Variants in TRAPPC9 observed in about 807,000 individuals in gnomAD.
TRAPPC9 encodes the protein IKK2 binding protein.
A neutral mutation model predicts 124.0 loss-of-function variants in TRAPPC9; 83 were observed. That is an observed-to-expected ratio of 0.67 (90% CI 0.56 to 0.80). The LOEUF (loss-of-function observed/expected upper bound fraction) is 0.80, where lower values mean the gene tolerates loss of function less well. Among genes scored for constraint, TRAPPC9 ranks in the 30% least tolerant of loss-of-function variants. TRAPPC9 has a pLI of 0.00. For missense variants in TRAPPC9, 1,302 were observed against 1,508.3 expected, an observed-to-expected ratio of 0.86 and a Z score of 2.27; for synonymous variants, 638 against 617.5, an observed-to-expected ratio of 1.03 and a Z score of -0.49.
intron 21 of TRAPPC9, among the ~76,000 whole-genome samples, chr8:139,821,257 G>C (rs970050909): frequency 1.3e-5 from 2 of 152,260 alleles, no homozygotes; most frequent in South Asian, 4.1e-4. Flanking sequence ...AAAAGCAAGT[G>C]AAAGCAGCAA....
At chr8:139,881,685 GA>G (rs201467555) in intron 21 of TRAPPC9, among the ~76,000 whole-genome samples, 4 of 101,844 alleles carry the variant, frequency 3.9e-5, no homozygotes, top group East Asian at 3.6e-4. Flanking sequence ...CTCTATGCCA[GA>G]AAAAAACAGC....
chr8:140,296,562 G>A (rs1010347907), intron 11 of TRAPPC9, among the ~76,000 whole-genome samples: 3 of 152,192 alleles, frequency 2.0e-5, no homozygotes, highest in African/African-American at 4.8e-5. Flanking sequence ...CACCACACTC[G>A]GCCAACAATT....
intron 21 of TRAPPC9, among the ~76,000 whole-genome samples, chr8:139,853,853 C>G (rs1357519846): frequency 6.6e-6 from 1 of 152,088 alleles, no homozygotes; most frequent in Non-Finnish European, 1.5e-5. Flanking sequence ...GCGAAGGGCT[C>G]TTATTTTAGT....
intron 19 of TRAPPC9, among the ~76,000 whole-genome samples, chr8:139,921,615 G>T (rs1248175457): frequency 6.6e-6 from 1 of 152,052 alleles, no homozygotes; most frequent in Non-Finnish European, 1.5e-5. Context: ...GCAGGTAGAG[G>T]GCTGTGGGTA....
At chr8:140,445,447 C>A (rs955094415) in intron 2 of TRAPPC9, among the ~76,000 whole-genome samples, 12 of 152,202 alleles carry the variant, frequency 7.9e-5, no homozygotes, top group Non-Finnish European at 1.6e-4. Context: ...TCAAGACTCT[C>A]CTGTGGTCTG....
intron 19 of TRAPPC9, among the ~76,000 whole-genome samples, chr8:139,979,855 G>A (rs569541455): frequency 1.1e-3 from 161 of 152,264 alleles, no homozygotes; most frequent in Non-Finnish European, 1.8e-3. Context: ...AAGAAGAGCC[G>A]TGGCCGATGG....
intron 21 of TRAPPC9, among the ~76,000 whole-genome samples, chr8:139,794,975 C>T (rs572280216): frequency 3.3e-5 from 5 of 152,282 alleles, no homozygotes; most frequent in South Asian, 2.1e-4. Flanking sequence ...GTGAGGAGAA[C>T]GCAGGGAATA....
chr8:140,224,736 T>A (rs1323998608), intron 16 of TRAPPC9, among the ~76,000 whole-genome samples: 1 of 152,162 alleles, frequency 6.6e-6, no homozygotes. Flanking sequence ...CAATCTGATA[T>A]CCTAATATGC....
At chr8:140,228,423 C>T (rs140870387) in intron 16 of TRAPPC9, among the ~76,000 whole-genome samples, 151 of 152,326 alleles carry the variant, frequency 9.9e-4, no homozygotes, top group Middle Eastern at 3.4e-3. Flanking sequence ...AATACTCATC[C>T]TTAATTTCCA....
At chr8:140,264,693 C>CTCA (rs2064559449) in intron 15 of TRAPPC9, among the ~76,000 whole-genome samples, 2 of 151,978 alleles carry the variant, frequency 1.3e-5, no homozygotes, top group Admixed American at 1.3e-4. Context: ...ACCTGACTTC[C>CTCA]TCAAGCGGGG....
At chr8:139,973,016 A>G (rs1032027545) in intron 19 of TRAPPC9, among the ~76,000 whole-genome samples, 2 of 152,090 alleles carry the variant, frequency 1.3e-5, no homozygotes, top group Non-Finnish European at 2.9e-5. Flanking sequence ...CAGCTACCCC[A>G]TGGACTAGGG....
At chr8:140,167,528 T>C (rs6578076) in intron 17 of TRAPPC9, among the ~76,000 whole-genome samples, 116,690 of 152,102 alleles carry the variant, frequency 0.77, 45,504 homozygotes, top group East Asian at 1. Flanking sequence ...ACTGAGGCCA[T>C]ACAGCTGGCA....
intron 16 of TRAPPC9, among the ~76,000 whole-genome samples, chr8:140,235,116 C>T (rs1449521176): frequency 1.3e-5 from 2 of 152,206 alleles, no homozygotes; most frequent in Admixed American, 6.5e-5. Context: ...GGATTACAAG[C>T]GCCTGCCACC....
intron 21 of TRAPPC9, among the ~76,000 whole-genome samples, chr8:139,764,809 G>A (rs1282455673): frequency 1.3e-5 from 2 of 152,122 alleles, no homozygotes; most frequent in Admixed American, 6.5e-5. Context: ...TCCCCACCAC[G>A]GTCCGGTGCA....
chr8:140,011,501 CTTTT>C (rs916485762), intron 18 of TRAPPC9, among the ~76,000 whole-genome samples: 101 of 114,630 alleles, frequency 8.8e-4, no homozygotes, highest in African/African-American at 4.2e-3. Flanking sequence ...AGAAGGCATA[CTTTT>C]TTTTTTTTTT....
At chr8:140,275,555 C>A (rs1588073422) in intron 15 of TRAPPC9, 103 bp downstream of exon 15, 2 of 1,339,072 alleles carry the variant, frequency 1.5e-6, no homozygotes, top group Non-Finnish European at 1.1e-6. Context: ...ACTGAATCCA[C>A]AAAGAAGTTT....
At chr8:140,300,740 G>A in intron 10 of TRAPPC9, 126 bp from the exon 11 acceptor site, 2 of 1,163,686 alleles carry the variant, frequency 1.7e-6, no homozygotes, top group East Asian at 2.4e-5. Flanking sequence ...ATGGAGGGAG[G>A]AAAAGCACTC....
At chr8:140,234,024 T>C (rs1051167011) in intron 16 of TRAPPC9, among the ~76,000 whole-genome samples, 5 of 152,184 alleles carry the variant, frequency 3.3e-5, no homozygotes, top group Admixed American at 2.0e-4. Context: ...TACTTAAATT[T>C]AAAGTAATTA....
chr8:140,131,090 C>T (rs1035108760), intron 17 of TRAPPC9, among the ~76,000 whole-genome samples: 4 of 152,024 alleles, frequency 2.6e-5, no homozygotes, highest in Non-Finnish European at 4.4e-5. Flanking sequence ...CATTTTATTC[C>T]ATTGTAAAGG....
Sources: allele counts gnomAD v4.1 joint callset (sites outside exome capture counted in the v4.1 genomes callset), GRCh38; gene constraint gnomAD v4.1.1; transcripts MANE v1.5; gene names NCBI Gene and HGNC (gene_info 2026-07-23, HGNC 2026-07-21).